The following RGS3 variants were observed in gnomAD, a reference collection of about 807,000 sequenced individuals.
RGS3 encodes regulator of G-protein signalling 3.
A neutral mutation model predicts 132.6 loss-of-function variants in RGS3; 80 were observed. The ratio of observed to expected loss-of-function variants is 0.60; its 90% CI spans 0.50 to 0.73. The LOEUF (loss-of-function observed/expected upper bound fraction) is 0.73, where lower values mean the gene tolerates loss of function less well. Among genes scored for constraint, RGS3 ranks in the 30% least tolerant of loss-of-function variants. The probability of loss-of-function intolerance (pLI) is 0.00; values close to 1 mark genes in which losing one functional copy is unlikely to be tolerated. For synonymous variants in RGS3, 598 were observed against 620.6 expected (o/e 0.96, Z 0.54); for missense variants, 1,382 against 1,530.8 (o/e 0.90, Z 1.62).
intron 3 of RGS3, among the ~76,000 whole-genome samples, chr9:113,470,700 C>T (rs541628745): frequency 3.0e-4 from 45 of 152,094 alleles, no homozygotes; most frequent in Non-Finnish European, 5.9e-4. Context: ...GTGAGTGGCC[C>T]ATGCTTATAA....
At chr9:113,448,950 G>A (rs1350238532) in intron 1 of RGS3, among the ~76,000 whole-genome samples, 1 of 152,102 alleles carries the variant, frequency 6.6e-6, no homozygotes, top group Non-Finnish European at 1.5e-5. Flanking sequence ...AGTGACATAG[G>A]TGGGAAAAGT....
chr9:113,490,971 A>G (rs1240844152), intron 7 of RGS3, among the ~76,000 whole-genome samples: 1 of 132,584 alleles, frequency 7.5e-6, no homozygotes, highest in Non-Finnish European at 1.5e-5. Flanking sequence ...ATAATTATAT[A>G]TAACTTAATT....
intron 14 of RGS3, among the ~76,000 whole-genome samples, chr9:113,513,445 C>T: frequency 6.6e-6 from 1 of 152,172 alleles, no homozygotes; most frequent in East Asian, 1.9e-4. Context: ...CTGGGATTCC[C>T]AGAGTCCTAT....
chr9:113,521,588 AT>A (rs564326897), intron 16 of RGS3, among the ~76,000 whole-genome samples: 2 of 152,276 alleles, frequency 1.3e-5, no homozygotes, highest in East Asian at 3.9e-4. Context: ...GCTCTACTTT[AT>A]TTTTTAATAG....
chr9:113,471,092 G>A (rs1366169923), intron 3 of RGS3, among the ~76,000 whole-genome samples: 3 of 152,140 alleles, frequency 2.0e-5, no homozygotes, highest in South Asian at 2.1e-4. Flanking sequence ...CAGGTGCCTA[G>A]GGTCACTGGG....
rs1298060482 is a variant in RGS3, at chr9:113,460,335, A to AC, written c.79_80insC (p.Arg27ThrfsTer20). On this transcript the variant is annotated frameshift_variant and splice_region_variant, in exon 1 of 25. Coordinates refer to ENST00000350696, the Ensembl canonical transcript of RGS3. LOFTEE classifies it high-confidence loss of function. The stretch of plus-strand genomic sequence containing the variant: ...GGAGATCGAGACCATCCTGGCTAAC[A>AC]GGTAAAACCCCGTCTCTACTAAAAA... The AC allele has an allele frequency of 3.1e-6, 1 of 321,066 alleles. No individual in the cohort carries two copies. Among genetic ancestry groups the AC allele is most frequent in the Non-Finnish European group, 5.7e-6 (1 of 175,702 alleles). 19.9% of individuals were successfully genotyped at this position (321,066 alleles called of 1,614,324 possible).
intron 19 of RGS3, among the ~76,000 whole-genome samples, chr9:113,560,721 G>A (rs867621546): frequency 1.3e-5 from 2 of 152,234 alleles, no homozygotes; most frequent in African/African-American, 4.8e-5. Flanking sequence ...TGAGCCCCAG[G>A]AAGTAAAAGC....
chr9:113,466,925 C>T (rs905467174), intron 3 of RGS3, among the ~76,000 whole-genome samples: 2 of 152,108 alleles, frequency 1.3e-5, no homozygotes, highest in Admixed American at 1.3e-4. Flanking sequence ...CTATTCTCTC[C>T]CTCTGTAGAT....
At chr9:113,514,247 A>G (rs374171408) in intron 14 of RGS3, among the ~76,000 whole-genome samples, 49 of 152,288 alleles carry the variant, frequency 3.2e-4, no homozygotes, top group African/African-American at 1.1e-3. Flanking sequence ...TCACGTGTCA[A>G]CGTCTCTCAC....
At chr9:113,564,828 A>G (rs1219461289) in intron 19 of RGS3, 7 of 677,756 alleles carry the variant, frequency 1.0e-5, no homozygotes, top group African/African-American at 3.9e-5. Flanking sequence ...GGGCAGTCGC[A>G]TTCTGGAAGT....
chr9:113,504,138 G>A (rs1453831882), intron 10 of RGS3, among the ~76,000 whole-genome samples: 2 of 152,110 alleles, frequency 1.3e-5, no homozygotes, highest in Non-Finnish European at 2.9e-5. Context: ...CCTTCCTTAT[G>A]CCTGGCCCTG....
At chr9:113,454,587 G>A (rs903657032) in intron 1 of RGS3, among the ~76,000 whole-genome samples, 1 of 151,428 alleles carries the variant, frequency 6.6e-6, no homozygotes, top group African/African-American at 2.4e-5. Context: ...CATCCTGGGC[G>A]ACAGAGCGAG....
intron 16 of RGS3, among the ~76,000 whole-genome samples, chr9:113,520,537 G>A (rs1190605333): frequency 6.7e-6 from 1 of 150,338 alleles, no homozygotes; most frequent in Non-Finnish European, 1.5e-5. Flanking sequence ...CTCTGGGCCT[G>A]GGCTGTTTTT....
chr9:113,594,248 G>A, intron 21 of RGS3, 182 bp from the exon 20 acceptor site: 3 of 1,612,324 alleles, frequency 1.9e-6, no homozygotes, highest in Non-Finnish European at 2.5e-6. Flanking sequence ...AGACCAATCT[G>A]CGGCCCCAAG....
intron 19 of RGS3, among the ~76,000 whole-genome samples, chr9:113,544,269 A>G (rs1221024276): frequency 6.7e-6 from 1 of 149,030 alleles, no homozygotes; most frequent in Admixed American, 6.7e-5. Context: ...AGTTCCCCAC[A>G]CACCCCCGAC....
At chr9:113,525,124 A>G (rs1832145613) in intron 17 of RGS3, among the ~76,000 whole-genome samples, 1 of 151,800 alleles carries the variant, frequency 6.6e-6, no homozygotes, top group African/African-American at 2.4e-5. Flanking sequence ...TTGGTGTGGG[A>G]GAGGGGCCTG....
chr9:113,508,072 A>C (rs1487149803), intron 13 of RGS3, among the ~76,000 whole-genome samples: 1 of 152,206 alleles, frequency 6.6e-6, no homozygotes, highest in Non-Finnish European at 1.5e-5. Flanking sequence ...TCTGAGGTCA[A>C]ATAAGCTTGC....
exon 20 of RGS3, chr9:113,584,395 C>A: frequency 6.5e-7 from 1 of 1,530,638 alleles, no homozygotes. Context: ...CTCCATGCAC[C>A]ACCTTTCCCT....
intron 13 of RGS3, 76 bp from the exon 12 acceptor site, chr9:113,508,465 C>A: frequency 5.1e-6 from 8 of 1,569,132 alleles, no homozygotes; most frequent in Non-Finnish European, 6.1e-6. Flanking sequence ...CCCTGGGGCC[C>A]CCGTGTCCAG....
Sources: gnomAD v4.1 joint callset for allele counts (sites outside exome capture counted in the v4.1 genomes callset) on GRCh38, gnomAD v4.1.1 for gene constraint, MANE v1.5 for transcripts, NCBI Gene and HGNC (gene_info 2026-07-23, HGNC 2026-07-21) for gene names.